The following KIF16B variants were observed in gnomAD, a reference collection of about 807,000 sequenced individuals.
The protein encoded by KIF16B is kinesin family member 16B.
A neutral mutation model predicts 156.3 loss-of-function variants in KIF16B; 98 were observed. The observed-to-expected ratio is 0.63, with a 90% CI of 0.53 to 0.74. KIF16B has a LOEUF of 0.74. Among genes scored for constraint, KIF16B ranks in the 30% least tolerant of loss-of-function variants. The probability of loss-of-function intolerance (pLI) is 0.00; values close to 1 mark genes in which losing one functional copy is unlikely to be tolerated. For missense variants in KIF16B, 1,421 were observed against 1,606.5 expected (o/e 0.88, Z 1.97); for synonymous variants, 564 against 583.7 (o/e 0.97, Z 0.49).
intron 12 of KIF16B, among the ~76,000 whole-genome samples, chr20:16,451,005 C>T (rs901478779): frequency 3.3e-5 from 5 of 152,142 alleles, no homozygotes; most frequent in Admixed American, 2.0e-4. Flanking sequence ...GTCATACCTG[C>T]GCGTTTACAG....
chr20:16,464,256 T>A lies in KIF16B; in HGVS notation c.1302+30035A>T, dbSNP rs534780575. The stretch of plus-strand genomic sequence containing the variant: ...TTAATTACATTTAAATTTATTTGCA[T>A]GATTTAATTGCAAGGGAATATAATA... On this transcript the variant is annotated intron_variant, in intron 12 of 25. Transcript: ENST00000354981. Among the ~76,000 whole-genome samples the A allele has an allele frequency of 5.9e-5, 9 of 152,310 alleles. No homozygotes were observed. In the South Asian group the frequency reaches 1.7e-3, roughly 28 times the overall value.
Position 16,337,666 on chromosome 20 carries a change from C to T in KIF16B, c.3622-1651G>A, listed in dbSNP as rs116328041. Among the ~76,000 whole-genome samples the T allele has an allele frequency of 7.8e-3, 1,184 of 152,298 alleles. 14 individuals carry two copies. The highest frequency in any genetic ancestry group is 0.027 in the African/African-American group (1,132 of 41,572). On this transcript the variant is annotated intron_variant, in intron 23 of 25. Transcript: ENST00000354981. ...GGGAAACCCTGCTCCTGGCTGTGAG[C>T]TGGTTGGCCTTCCTCTCTGGCTTGC...
At chr20:16,503,618 A>G (rs1363381255) in intron 10 of KIF16B, among the ~76,000 whole-genome samples, 1 of 152,250 alleles carries the variant, frequency 6.6e-6, no homozygotes, top group East Asian at 1.9e-4. Flanking sequence ...GAGTTAAGAA[A>G]GGAGGGTAAC....
At chr20:16,352,078 G>A (rs2064349327) in intron 23 of KIF16B, among the ~76,000 whole-genome samples, 1 of 152,224 alleles carries the variant, frequency 6.6e-6, no homozygotes. Context: ...TAATCTGTAG[G>A]TGCAGAGGGC....
intron 1 of KIF16B, among the ~76,000 whole-genome samples, chr20:16,533,955 A>G (rs2069853030): frequency 6.6e-6 from 1 of 151,412 alleles, no homozygotes; most frequent in Non-Finnish European, 1.5e-5. Context: ...TTAAAAAAAA[A>G]TAAAAAATAA....
intron 25 of KIF16B, among the ~76,000 whole-genome samples, chr20:16,277,711 A>G (rs879531193): frequency 1.3e-5 from 2 of 152,164 alleles, no homozygotes; most frequent in African/African-American, 2.4e-5. Context: ...GCTTTATAAA[A>G]GAGCATTGCG....
At position 16,504,352 on chromosome 20, in the gene KIF16B, A is replaced by T. The variant is rs547861470; in HGVS notation, c.1176+20T>A. ...CCATTACTCAAAGAAAATTATCCAT[A>T]AATCTCAGAAAAACCCAACCTGATT... On this transcript the variant is annotated intron_variant, in intron 10 of 25. Transcript: ENST00000354981. 260 of 1,611,122 alleles carry T rather than the reference A, an allele frequency of 1.6e-4. 3 individuals carry two copies. In the South Asian group the frequency reaches 2.8e-3, roughly 17 times the overall value.
chr20:16,496,606 G>GTA (rs1273780399), intron 11 of KIF16B, among the ~76,000 whole-genome samples: 1 of 152,118 alleles, frequency 6.6e-6, no homozygotes, highest in Non-Finnish European at 1.5e-5. Flanking sequence ...GTCACAGCAT[G>GTA]TATAATACAT....
chr20:16,528,765 C>G (rs188862143), intron 1 of KIF16B, among the ~76,000 whole-genome samples: 26 of 152,104 alleles, frequency 1.7e-4, no homozygotes, highest in South Asian at 6.2e-4. Context: ...AGTAGCCCCC[C>G]TCACCTTGTT....
At chr20:16,512,427 C>G (rs1305897874) in intron 5 of KIF16B, among the ~76,000 whole-genome samples, 1 of 152,132 alleles carries the variant, frequency 6.6e-6, no homozygotes, top group African/African-American at 2.4e-5. Context: ...GGAAAAAGCA[C>G]CTCAACCACT....
chr20:16,357,143 C>T (rs1399823946), intron 22 of KIF16B, among the ~76,000 whole-genome samples: 5 of 152,152 alleles, frequency 3.3e-5, no homozygotes, highest in African/African-American at 1.2e-4. Context: ...TCTGAACAAT[C>T]CTTATTGTTT....
At chr20:16,424,407 G>A (rs1451252051) in intron 15 of KIF16B, among the ~76,000 whole-genome samples, 3 of 151,934 alleles carry the variant, frequency 2.0e-5, no homozygotes, top group Non-Finnish European at 2.9e-5. Flanking sequence ...CTTCATTTCT[G>A]AGGTACCTTC....
At chr20:16,572,021 T>C (rs2071475352) in intron 1 of KIF16B, among the ~76,000 whole-genome samples, 1 of 152,168 alleles carries the variant, frequency 6.6e-6, no homozygotes, top group Non-Finnish European at 1.5e-5. Context: ...TGAAAATCCA[T>C]AATAAAGAAA....
intron 12 of KIF16B, among the ~76,000 whole-genome samples, chr20:16,476,749 A>G (rs978197021): frequency 1.3e-5 from 2 of 152,060 alleles, no homozygotes; most frequent in African/African-American, 2.4e-5. Context: ...AAGGTGTTTG[A>G]ATATCTTTTT....
In KIF16B at chr20:16,573,223, A is replaced by G; in HGVS notation, c.47+6T>C. On this transcript the variant is annotated splice_donor_region_variant and intron_variant, in intron 1 of 25. Transcript: ENST00000354981. Reference sequence around the variant, plus strand: ...GAGGGGGCGGGGCGCGGGCGGCCCCACTCACCTGCGATTCATGGGCCGGAC... The same window carrying G: ...GAGGGGGCGGGGCGCGGGCGGCCCCGCTCACCTGCGATTCATGGGCCGGAC... The G allele has an allele frequency of 6.3e-7, 1 of 1,592,680 alleles. No individual in the cohort carries two copies. The highest frequency in any genetic ancestry group is 1.3e-5 in the African/African-American group (1 of 74,610).
intron 24 of KIF16B, among the ~76,000 whole-genome samples, chr20:16,318,866 G>A (rs2063735491): frequency 6.6e-6 from 1 of 152,146 alleles, no homozygotes; most frequent in South Asian, 2.1e-4. Flanking sequence ...TGTGTGCTAT[G>A]CATAGTGACT....
rs2066459847 is a variant in KIF16B, at chr20:16,430,107, T to C, written c.1303-125A>G. 4.9e-6 allele frequency: 5 copies of C among 1,030,632 alleles called. No individual in the cohort carries two copies. In the African/African-American group the frequency reaches 6.5e-5, roughly 13 times the overall value. 63.8% of individuals were successfully genotyped at this position (1,030,632 alleles called of 1,614,324 possible). On this transcript the variant is annotated intron_variant, in intron 12 of 25. Coordinates refer to ENST00000354981, the MANE Select transcript of KIF16B (RefSeq NM_024704.5). ...CTCATCTAAAAAACTGCAAGAAAAA[T>C]GGACCTTAAACTTCGTGTTGAAATC...
chr20:16,454,343 A>T (rs1472575787), intron 12 of KIF16B, among the ~76,000 whole-genome samples: 1 of 149,546 alleles, frequency 6.7e-6, no homozygotes, highest in East Asian at 1.9e-4. Flanking sequence ...TTTAGGATTT[A>T]AAATTTTAAA....
At chr20:16,360,613 T>C (rs1298253675) in intron 22 of KIF16B, among the ~76,000 whole-genome samples, 1 of 152,190 alleles carries the variant, frequency 6.6e-6, no homozygotes, top group East Asian at 1.9e-4. Flanking sequence ...AAGTAGATAA[T>C]TGGTAACTTG....
Sources: gnomAD v4.1 joint callset for allele counts (sites outside exome capture counted in the v4.1 genomes callset) on GRCh38, gnomAD v4.1.1 for gene constraint, MANE v1.5 for transcripts, NCBI Gene and HGNC (gene_info 2026-07-23, HGNC 2026-07-21) for gene names.